The following DOCK2 variants were observed in gnomAD, a reference collection of about 807,000 sequenced individuals.
DOCK2 encodes the protein dedicator of cytokinesis 2.
Under a neutral mutation model 248.9 loss-of-function variants are expected in DOCK2, and 87 were observed. The ratio of observed to expected loss-of-function variants is 0.35; its 90% CI spans 0.29 to 0.42. DOCK2 has a LOEUF of 0.42. Ranked by LOEUF, DOCK2 falls within the 10% of genes least tolerant of loss-of-function variation. The pLI, the probability that DOCK2 is intolerant of heterozygous loss-of-function variation, is 1.00. For synonymous variants in DOCK2, 805 were observed against 821.6 expected (o/e 0.98, Z 0.35); for missense variants, 1,747 against 2,300.2 (o/e 0.76, Z 4.92).
chr5:169,702,448 C>T, intron 14 of DOCK2, 21 bp downstream of exon 14: 1 of 1,613,104 alleles, frequency 6.2e-7, no homozygotes, highest in Non-Finnish European at 8.5e-7. Context: ...CACTGCTGCT[C>T]TGGGTGACAG....
intron 27 of DOCK2, among the ~76,000 whole-genome samples, chr5:169,954,965 G>A (rs776219667): frequency 6.6e-6 from 1 of 152,198 alleles, no homozygotes; most frequent in Non-Finnish European, 1.5e-5. Context: ...GGAATCAATC[G>A]CAGACTGTGC....
intron 27 of DOCK2, among the ~76,000 whole-genome samples, chr5:169,974,229 G>C (rs1475347180): frequency 6.6e-6 from 1 of 152,178 alleles, no homozygotes; most frequent in Non-Finnish European, 1.5e-5. Flanking sequence ...TCTACTGAAA[G>C]TTTGGAGGAT....
intron 25 of DOCK2, among the ~76,000 whole-genome samples, chr5:169,778,882 A>C (rs1449818159): frequency 6.6e-6 from 1 of 152,170 alleles, no homozygotes; most frequent in East Asian, 1.9e-4. Flanking sequence ...CTATCTATCT[A>C]TATATCCAAG....
At chr5:169,697,368 T>C (rs1397095499) in intron 10 of DOCK2, among the ~76,000 whole-genome samples, 1 of 152,186 alleles carries the variant, frequency 6.6e-6, no homozygotes, top group Non-Finnish European at 1.5e-5. Context: ...TGTTCCAAGC[T>C]TGCATCCTAC....
chr5:170,056,070 T>C (rs1218314054), intron 42 of DOCK2, among the ~76,000 whole-genome samples: 2 of 152,126 alleles, frequency 1.3e-5, no homozygotes, highest in African/African-American at 4.8e-5. Context: ...AGAAACAGGA[T>C]CTGCTTTGCA....
chr5:169,841,096 G>T (rs1198912392), intron 27 of DOCK2, among the ~76,000 whole-genome samples: 1 of 152,126 alleles, frequency 6.6e-6, no homozygotes, highest in Non-Finnish European at 1.5e-5. Flanking sequence ...ATACCAGCAA[G>T]GGTGGACTAT....
At chr5:169,691,680 G>C (rs538477650) in intron 9 of DOCK2, among the ~76,000 whole-genome samples, 2 of 152,076 alleles carry the variant, frequency 1.3e-5, no homozygotes, top group Non-Finnish European at 2.9e-5. Flanking sequence ...GCAAGCATGT[G>C]TCTTGCTGGC....
rs373297718 is a variant in DOCK2, at chr5:169,774,670, G to T, written c.2554+13045G>T. On this transcript the variant is annotated intron_variant, in intron 25 of 51. Transcript: ENST00000520908. Reference sequence around the variant, plus strand: ...TGGGCAGGTAATACAAATGAGTGAAGGGGCAGGGTCATAGTTATTATGAGA... The same window carrying T: ...TGGGCAGGTAATACAAATGAGTGAATGGGCAGGGTCATAGTTATTATGAGA... Among the ~76,000 whole-genome samples the T allele has an allele frequency of 6.6e-5, 10 of 152,318 alleles. No individual in the cohort carries two copies. In the South Asian group the frequency reaches 1.9e-3, roughly 28 times the overall value.
chr5:170,083,001 T>G lies in DOCK2; in HGVS notation c.*143T>G. The G allele has an allele frequency of 9.7e-7, 1 of 1,033,992 alleles. No individual in the cohort carries two copies. The highest frequency in any genetic ancestry group is 1.4e-6 in the Non-Finnish European group (1 of 700,320). 64.1% of individuals were successfully genotyped at this position (1,033,992 alleles called of 1,614,324 possible). ...TACTTAGAGGAGACAGAGAGGCCAA[T>G]CAGGTCCCAGAGCTTGAATGCTAAC... On this transcript the variant is annotated 3_prime_UTR_variant, in exon 52 of 52. Transcript: ENST00000520908.
intron 27 of DOCK2, among the ~76,000 whole-genome samples, chr5:169,960,950 A>G (rs1025650420): frequency 2.0e-5 from 3 of 152,204 alleles, no homozygotes; most frequent in African/African-American, 7.2e-5. Context: ...TGAACTGAAT[A>G]TATATACTAG....
Position 169,710,009 on chromosome 5 carries a change from G to T in DOCK2, c.1482+1742G>T, listed in dbSNP as rs7727693. 5.2e-3 allele frequency among the ~76,000 whole-genome samples: 785 copies of T among 152,290 alleles called. 11 individuals are homozygous for T. The highest frequency in any genetic ancestry group is 0.018 in the African/African-American group (760 of 41,544). On this transcript the variant is annotated intron_variant, in intron 15 of 51. Coordinates refer to ENST00000520908, the MANE Select transcript of DOCK2 (RefSeq NM_004946.3). ...TTGTTTTAGCCAAAGCAGGTGGGAG[G>T]CTTGATGGATCAATGTGATTGTGAA... is the stretch of plus-strand genomic sequence containing the variant.
Position 169,961,979 on chromosome 5 carries a change from A to AAAAAAAAAAAAAAAAG in DOCK2, c.2800-21074_2800-21073insGAAAAAAAAAAAAAAA, listed in dbSNP as rs1777106885. Among the ~76,000 whole-genome samples the AAAAAAAAAAAAAAAAG allele has an allele frequency of 2.5e-5, 2 of 79,242 alleles. 1 individual carries two copies. Among genetic ancestry groups the AAAAAAAAAAAAAAAAG allele is most frequent in the East Asian group, 7.1e-4 (2 of 2,816 alleles). 52.0% of individuals were successfully genotyped at this position (79,242 alleles called of 152,430 possible). On this transcript the variant is annotated intron_variant, in intron 27 of 51. Transcript: ENST00000520908. The stretch of plus-strand genomic sequence containing the variant: ...GGGTGAAAAAGTGAGACTCTGTCCC[A>AAAAAAAAAAAAAAAAG]AAAAAAAAAAAAAAAATGGAGAAAA...
intron 2 of DOCK2, among the ~76,000 whole-genome samples, chr5:169,663,065 A>G (rs1164197089): frequency 6.6e-6 from 1 of 152,246 alleles, no homozygotes; most frequent in Non-Finnish European, 1.5e-5. Flanking sequence ...GGGTACAAGC[A>G]TTGGGTAAAT....
chr5:169,795,343 G>C (rs915699273), intron 25 of DOCK2, among the ~76,000 whole-genome samples: 2 of 152,096 alleles, frequency 1.3e-5, no homozygotes, highest in Non-Finnish European at 2.9e-5. Context: ...TTCTAAATAG[G>C]CCGGGTTTGT....
chr5:169,738,334 A>G (rs375260371), intron 22 of DOCK2, among the ~76,000 whole-genome samples: 1 of 152,190 alleles, frequency 6.6e-6, no homozygotes, highest in African/African-American at 2.4e-5. Context: ...GGGAAGGGAC[A>G]CTGGTTCAGA....
At chr5:170,034,324 A>T in intron 34 of DOCK2, 75 bp from the exon 35 acceptor site, 1 of 1,568,486 alleles carries the variant, frequency 6.4e-7, no homozygotes, top group Non-Finnish European at 8.7e-7. Context: ...CATGTGCTCC[A>T]TCCCACCGCC....
intron 2 of DOCK2, among the ~76,000 whole-genome samples, chr5:169,655,301 C>A (rs941546812): frequency 1.3e-5 from 2 of 152,170 alleles, no homozygotes; most frequent in Non-Finnish European, 2.9e-5. Flanking sequence ...GGGCACAGAG[C>A]CTGGGCTTCC....
intron 25 of DOCK2, among the ~76,000 whole-genome samples, chr5:169,799,431 G>C (rs10078064): frequency 0.1 from 15,349 of 152,128 alleles, 1,244 homozygotes; most frequent in East Asian, 0.34. Context: ...TACCACTTCA[G>C]ATGAACTCAC....
At chr5:169,976,118 T>C (rs911703615) in intron 27 of DOCK2, among the ~76,000 whole-genome samples, 1 of 152,176 alleles carries the variant, frequency 6.6e-6, no homozygotes, top group Non-Finnish European at 1.5e-5. Flanking sequence ...TATAATAAAT[T>C]CAATCTCCCA....
Sources: allele counts gnomAD v4.1 joint callset (sites outside exome capture counted in the v4.1 genomes callset), GRCh38; gene constraint gnomAD v4.1.1; transcripts MANE v1.5; gene names NCBI Gene and HGNC (gene_info 2026-07-23, HGNC 2026-07-21).